Variants in DCDC1 observed in about 807,000 individuals in gnomAD.
DCDC1 encodes doublecortin domain-containing protein 1.
DCDC1 carries 200 observed loss-of-function variants against 178.3 expected under a neutral mutation model. That is an observed-to-expected ratio of 1.12 (90% CI 1.00 to 1.26). DCDC1 has a LOEUF of 1.26. DCDC1 is among the 50% of genes most tolerant of loss of function. The pLI is 0.00. For synonymous variants in DCDC1, 690 were observed against 604.8 expected (o/e 1.14, Z -2.07); for missense variants, 1,983 against 1,749.2 (o/e 1.13, Z -2.38).
intron 9 of DCDC1, among the ~76,000 whole-genome samples, chr11:31,204,761 G>A (rs1971682581): frequency 6.6e-6 from 1 of 152,204 alleles, no homozygotes; most frequent in African/African-American, 2.4e-5. Context: ...GGCGGAGGTT[G>A]CAGTGAGCCG....
intron 11 of DCDC1, among the ~76,000 whole-genome samples, chr11:31,124,501 G>T (rs1159165429): frequency 6.6e-6 from 1 of 152,104 alleles, no homozygotes; most frequent in Non-Finnish European, 1.5e-5. Context: ...AAAGAAGAAA[G>T]CTGGAGGCAT....
In DCDC1 at chr11:31,299,868, A is replaced by AT. The variant is rs200823827; in HGVS notation, c.754+5746dup. Reference sequence around the variant, plus strand: ...ATGTAAACTTATTTTTTATTTATTTATTTTTTTTGAGACAGAGTCTCGCTC... The same window carrying AT: ...ATGTAAACTTATTTTTTATTTATTTATTTTTTTTTGAGACAGAGTCTCGCTC... On this transcript the variant is annotated intron_variant, in intron 6 of 38. Coordinates refer to ENST00000684477, the MANE Select transcript of DCDC1 (RefSeq NM_001387274.1). Among the ~76,000 whole-genome samples, 914 of 151,722 alleles carry AT rather than the reference A, an allele frequency of 6.0e-3. 4 individuals carry two copies. The highest frequency in any genetic ancestry group is 0.01 in the Middle Eastern group (3 of 294).
At chr11:30,908,156 C>G (rs1385807816) in intron 29 of DCDC1, among the ~76,000 whole-genome samples, 3 of 43,972 alleles carry the variant, frequency 6.8e-5, no homozygotes, top group African/African-American at 1.5e-4. Context: ...ATGGAAAACC[C>G]ACACATTGCC....
intron 36 of DCDC1, chr11:30,883,436 T>C (rs1171900608): frequency 2.2e-6 from 1 of 450,896 alleles, no homozygotes; most frequent in African/African-American, 2.0e-5. Flanking sequence ...TAGAATACAT[T>C]AACCTTAAGC....
rs749789823 is a variant in DCDC1 at position 30,931,831 on chromosome 11, T to C, written c.2837A>G (p.Lys946Arg). 5 of 1,612,914 alleles carry C rather than the reference T, an allele frequency of 3.1e-6. No individual in the cohort carries two copies. The highest frequency in any genetic ancestry group is 2.7e-5 in the African/African-American group (2 of 74,880). ...GATAGTAACGGATCTGTTTTTATTCTTCTCTCCATTCTGCAAAACTCTGAG... is the reference window on the plus strand; with the variant it reads ...GATAGTAACGGATCTGTTTTTATTCCTCTCTCCATTCTGCAAAACTCTGAG... ...VRLRVLQNGE[K>R]NKNRSVTILG... is the part of the protein sequence containing the mutation. Residue 946 changes from lysine (K) to arginine (R), a missense_variant, in exon 22 of 39, where the codon AAG (lysine) becomes AGG (arginine). Coordinates refer to ENST00000684477, the MANE Select transcript of DCDC1 (RefSeq NM_001387274.1).
chr11:31,195,226 A>G (rs1970559364), intron 9 of DCDC1, among the ~76,000 whole-genome samples: 1 of 152,098 alleles, frequency 6.6e-6, no homozygotes, highest in Admixed American at 6.6e-5. Context: ...CTTCAGTTAA[A>G]GAGTGGATTG....
intron 7 of DCDC1, among the ~76,000 whole-genome samples, chr11:31,288,552 C>T (rs1373740671): frequency 2.6e-5 from 4 of 151,760 alleles, no homozygotes; most frequent in African/African-American, 9.7e-5. Flanking sequence ...GACTTTTATG[C>T]TTTAACTACC....
At chr11:31,052,874 CAA>C (rs920920661) in intron 20 of DCDC1, among the ~76,000 whole-genome samples, 1 of 151,948 alleles carries the variant, frequency 6.6e-6, no homozygotes, top group Non-Finnish European at 1.5e-5. Context: ...ACACTGATAT[CAA>C]AGAGTCTGAA....
At chr11:31,026,979 T>TA (rs1953286646) in intron 20 of DCDC1, among the ~76,000 whole-genome samples, 1 of 151,802 alleles carries the variant, frequency 6.6e-6, no homozygotes, top group Non-Finnish European at 1.5e-5. Flanking sequence ...CTATTGTTTA[T>TA]ATCCCTAAAT....
intron 18 of DCDC1, among the ~76,000 whole-genome samples, chr11:31,073,632 C>A (rs1956699934): frequency 1.3e-5 from 2 of 152,166 alleles, no homozygotes; most frequent in Admixed American, 1.3e-4. Context: ...CTACCTAGAG[C>A]CTCACTCTGG....
At chr11:31,281,689 A>T (rs905467849) in intron 7 of DCDC1, among the ~76,000 whole-genome samples, 1 of 152,056 alleles carries the variant, frequency 6.6e-6, no homozygotes, top group African/African-American at 2.4e-5. Context: ...GGGCAGTTTC[A>T]CCCATACTGT....
intron 3 of DCDC1, among the ~76,000 whole-genome samples, chr11:31,316,957 G>A: frequency 2.6e-5 from 1 of 37,790 alleles, no homozygotes; most frequent in Non-Finnish European, 4.3e-5. Context: ...TCAAAGATCA[G>A]ATAGTTGTAG....
chr11:31,108,114 C>A (rs545410377), intron 12 of DCDC1, among the ~76,000 whole-genome samples: 1 of 152,304 alleles, frequency 6.6e-6, no homozygotes, highest in South Asian at 2.1e-4. Context: ...GCAAATATTT[C>A]TTTTGACCAG....
chr11:31,358,810 T>C (rs1016485048), intron 1 of DCDC1, among the ~76,000 whole-genome samples: 1 of 152,176 alleles, frequency 6.6e-6, no homozygotes, highest in Non-Finnish European at 1.5e-5. Flanking sequence ...AAGACATTTA[T>C]GCAGCCAAAA....
chr11:31,270,737 G>A (rs1330922842), intron 7 of DCDC1, among the ~76,000 whole-genome samples: 1 of 152,072 alleles, frequency 6.6e-6, no homozygotes. Context: ...CCCTCTTATT[G>A]AACAAAAACA....
chr11:31,049,929 G>C (rs1955130360), intron 20 of DCDC1, among the ~76,000 whole-genome samples: 1 of 152,196 alleles, frequency 6.6e-6, no homozygotes, highest in Non-Finnish European at 1.5e-5. Context: ...GAGGAGCAAG[G>C]AGTAAAACTC....
chr11:31,294,409 C>T (rs1036709354), intron 6 of DCDC1, among the ~76,000 whole-genome samples: 7 of 151,298 alleles, frequency 4.6e-5, no homozygotes, highest in Non-Finnish European at 1.0e-4. Flanking sequence ...TGGTGAAACC[C>T]CATCTCTACT....
At chr11:31,026,997 T>C (rs1201833980) in intron 20 of DCDC1, among the ~76,000 whole-genome samples, 1 of 151,768 alleles carries the variant, frequency 6.6e-6, no homozygotes, top group African/African-American at 2.4e-5. Context: ...AATGTGGAAT[T>C]CGGTACCTTC....
At chr11:31,021,032 A>AT (rs975334953) in intron 20 of DCDC1, among the ~76,000 whole-genome samples, 3 of 152,188 alleles carry the variant, frequency 2.0e-5, no homozygotes, top group South Asian at 2.1e-4. Context: ...AGGACAGACC[A>AT]TTTTTTTTAA....
Sources: gnomAD v4.1 joint callset for allele counts (sites outside exome capture counted in the v4.1 genomes callset) on GRCh38, gnomAD v4.1.1 for gene constraint, MANE v1.5 for transcripts, NCBI Gene and HGNC (gene_info 2026-07-23, HGNC 2026-07-21) for gene names.